The following GPC5 variants were observed in gnomAD, a reference collection of about 807,000 sequenced individuals.
GPC5 encodes the protein glypican 5.
Under a neutral mutation model 53.9 loss-of-function variants are expected in GPC5, and 47 were observed. The ratio of observed to expected loss-of-function variants is 0.87; its 90% CI spans 0.69 to 1.11. GPC5 has a LOEUF of 1.11. GPC5 is among the 50% of genes most tolerant of loss of function. The pLI is 0.00. For synonymous variants in GPC5, 286 were observed against 263.3 expected (o/e 1.09, Z -0.84); for missense variants, 748 against 713.1 (o/e 1.05, Z -0.56).
intron 7 of GPC5, among the ~76,000 whole-genome samples, chr13:92,655,421 G>A (rs1390791821): frequency 1.3e-5 from 2 of 151,802 alleles, no homozygotes; most frequent in African/African-American, 2.4e-5. Flanking sequence ...TGCAAACTCC[G>A]CTTCCTCGGT....
chr13:91,482,521 T>G (rs182888234), intron 2 of GPC5, among the ~76,000 whole-genome samples: 33 of 152,284 alleles, frequency 2.2e-4, no homozygotes, highest in African/African-American at 7.2e-4. Flanking sequence ...GCAACCATCA[T>G]TTAGGAACAT....
At chr13:91,737,725 A>C (rs1320159657) in intron 4 of GPC5, among the ~76,000 whole-genome samples, 2 of 151,442 alleles carry the variant, frequency 1.3e-5, no homozygotes, top group African/African-American at 2.5e-5. Flanking sequence ...AATTTAGAAA[A>C]ACTATTTCAG....
intron 1 of GPC5, among the ~76,000 whole-genome samples, chr13:91,423,520 T>C (rs1223202138): frequency 6.6e-6 from 1 of 152,096 alleles, no homozygotes; most frequent in Non-Finnish European, 1.5e-5. Flanking sequence ...TGGATATACA[T>C]AGGCTTAAGA....
intron 6 of GPC5, among the ~76,000 whole-genome samples, chr13:91,911,280 A>T (rs1394605039): frequency 6.6e-6 from 1 of 152,190 alleles, no homozygotes; most frequent in African/African-American, 2.4e-5. Context: ...GCAGTGGCTC[A>T]TGCCTGTAAT....
Position 92,064,764 on chromosome 13 carries a change from A to AAAC in GPC5, c.1402-80064_1402-80063insCAA, listed in dbSNP as rs371962452. Among the ~76,000 whole-genome samples, 266 of 138,466 alleles carry AAAC rather than the reference A, an allele frequency of 1.9e-3. 12 individuals carry two copies. The highest frequency in any genetic ancestry group is 0.011 in the Middle Eastern group (3 of 268). The allele number at this position is 138,466 out of a possible 152,430, so 90.8% of individuals were successfully genotyped here. A position where few individuals can be genotyped will look rare whatever the true frequency, so the allele number is the denominator to read the frequency against. Reference sequence around the variant, plus strand: ...AGAGCGAGACTCCGTCTCAAAAAAAAAAAACAAAACAAAACTCAGAGGCAA... The same window carrying AAAC: ...AGAGCGAGACTCCGTCTCAAAAAAAAAACAAAACAAAACAAAACTCAGAGGCAA... On this transcript the variant is annotated intron_variant, in intron 6 of 7. Coordinates refer to ENST00000377067, the MANE Select transcript of GPC5 (RefSeq NM_004466.6).
intron 7 of GPC5, among the ~76,000 whole-genome samples, chr13:92,523,805 T>G (rs1325616157): frequency 6.7e-6 from 1 of 149,904 alleles, no homozygotes; most frequent in Non-Finnish European, 1.5e-5. Flanking sequence ...GGCAGCTGTG[T>G]CAATTACATC....
At chr13:91,579,771 G>A (rs987651396) in intron 2 of GPC5, among the ~76,000 whole-genome samples, 12 of 151,530 alleles carry the variant, frequency 7.9e-5, no homozygotes, top group East Asian at 2.0e-4. Flanking sequence ...TGGGATTACA[G>A]GCACCTGCCA....
chr13:92,804,577 T>C (rs1230116118), intron 7 of GPC5, among the ~76,000 whole-genome samples: 11 of 152,034 alleles, frequency 7.2e-5, no homozygotes, highest in Admixed American at 7.2e-4. Flanking sequence ...AGTCATCAAC[T>C]TGTTGCTGGT....
At chr13:92,764,252 TAGTGA>T in intron 7 of GPC5, among the ~76,000 whole-genome samples, 1 of 152,282 alleles carries the variant, frequency 6.6e-6, no homozygotes, top group Non-Finnish European at 1.5e-5. Context: ...CAGACTGGCT[TAGTGA>T]AGGCTGGCTA....
chr13:91,901,371 C>T (rs1050292295), intron 5 of GPC5, among the ~76,000 whole-genome samples: 4 of 152,030 alleles, frequency 2.6e-5, no homozygotes, highest in Non-Finnish European at 5.9e-5. Context: ...ATTGATTCCA[C>T]AGATGTCTCC....
At chr13:92,262,923 T>G (rs1299337139) in intron 7 of GPC5, among the ~76,000 whole-genome samples, 1 of 152,148 alleles carries the variant, frequency 6.6e-6, no homozygotes, top group Admixed American at 6.6e-5. Context: ...CAAGCTATTC[T>G]TGTCTTTTTA....
intron 7 of GPC5, among the ~76,000 whole-genome samples, chr13:92,318,549 T>G (rs1455215183): frequency 1.3e-5 from 2 of 152,092 alleles, no homozygotes; most frequent in Non-Finnish European, 2.9e-5. Context: ...TATACCTAAT[T>G]TTTTTTAATG....
chr13:92,505,595 A>G (rs1880337686), intron 7 of GPC5, among the ~76,000 whole-genome samples: 1 of 152,078 alleles, frequency 6.6e-6, no homozygotes. Flanking sequence ...ATGGCCCAGC[A>G]ATCCCACTGC....
intron 7 of GPC5, among the ~76,000 whole-genome samples, chr13:92,424,425 ATATT>A (rs1030745540): frequency 5.9e-5 from 9 of 152,188 alleles, no homozygotes; most frequent in South Asian, 2.1e-4. Context: ...ATGACAGACA[ATATT>A]TATTTTTTAA....
intron 7 of GPC5, among the ~76,000 whole-genome samples, chr13:92,305,131 A>T (rs1207698034): frequency 6.6e-6 from 1 of 152,150 alleles, no homozygotes; most frequent in Admixed American, 6.6e-5. Context: ...TCATACTAAG[A>T]ATGTCCTATT....
At chr13:91,881,829 G>C (rs1159900797) in intron 5 of GPC5, among the ~76,000 whole-genome samples, 1 of 152,154 alleles carries the variant, frequency 6.6e-6, no homozygotes, top group Non-Finnish European at 1.5e-5. Context: ...TGAAAAAGGA[G>C]TCTCGCAGAT....
At chr13:91,982,817 T>A (rs1214039870) in intron 6 of GPC5, among the ~76,000 whole-genome samples, 1 of 152,176 alleles carries the variant, frequency 6.6e-6, no homozygotes, top group African/African-American at 2.4e-5. Context: ...TTTTGAGAAT[T>A]ATTCCATTAG....
At chr13:91,975,317 G>A (rs1227466634) in intron 6 of GPC5, among the ~76,000 whole-genome samples, 20 of 151,986 alleles carry the variant, frequency 1.3e-4, no homozygotes, top group South Asian at 4.2e-4. Context: ...AGAAACTACC[G>A]TCAGAGTGAA....
intron 7 of GPC5, among the ~76,000 whole-genome samples, chr13:92,527,108 A>G (rs1192991621): frequency 1.3e-4 from 5 of 39,024 alleles, no homozygotes; most frequent in East Asian, 1.7e-3. Context: ...AAAGAAAGAA[A>G]AAAGAAAGAA....
Sources: gnomAD v4.1 joint callset for allele counts (sites outside exome capture counted in the v4.1 genomes callset) on GRCh38, gnomAD v4.1.1 for gene constraint, MANE v1.5 for transcripts, NCBI Gene and HGNC (gene_info 2026-07-23, HGNC 2026-07-21) for gene names.